ABCC4: variants seen among roughly 807,000 people sequenced by gnomAD.
The protein encoded by ABCC4 is ATP binding cassette subfamily C member 4 (PEL blood group).
In ABCC4, 102 loss-of-function variants were observed where a neutral mutation model predicts 168.5. That is an observed-to-expected ratio of 0.61 (90% CI 0.52 to 0.71). The LOEUF is 0.71. ABCC4 is among the 30% of genes least tolerant of loss of function. The pLI is 0.00. For missense variants in ABCC4, 1,402 were observed against 1,605.8 expected (o/e 0.87, Z 2.17); for synonymous variants, 617 against 590.7 (o/e 1.04, Z -0.65).
At chr13:95,232,660 G>C (rs1276712811) in intron 4 of ABCC4, among the ~76,000 whole-genome samples, 1 of 147,276 alleles carries the variant, frequency 6.8e-6, no homozygotes, top group Non-Finnish European at 1.5e-5. Context: ...CTGGGCGACA[G>C]AGCAAGACTT....
chr13:95,075,261 G>C (rs755827849), intron 22 of ABCC4, 171 bp downstream of exon 22: 165 of 801,724 alleles, frequency 2.1e-4, no homozygotes, highest in Non-Finnish European at 2.9e-4. Context: ...ATTCCGAGAG[G>C]AGTCCAAGCC....
chr13:95,279,010 C>T (rs1033087447), intron 1 of ABCC4, among the ~76,000 whole-genome samples: 6 of 151,364 alleles, frequency 4.0e-5, no homozygotes, highest in South Asian at 2.1e-4. Context: ...CACAAAAAAA[C>T]GTGATCTAAT....
intron 11 of ABCC4, among the ~76,000 whole-genome samples, chr13:95,181,116 C>G (rs968839911): frequency 2.0e-5 from 3 of 152,320 alleles, no homozygotes; most frequent in East Asian, 1.9e-4. Context: ...TAAAATTAAC[C>G]AATTATTTAA....
chr13:95,228,667 G>C (rs925159525), intron 4 of ABCC4, among the ~76,000 whole-genome samples: 3 of 152,010 alleles, frequency 2.0e-5, no homozygotes, highest in Non-Finnish European at 4.4e-5. Flanking sequence ...GGGAAGCTGA[G>C]GCATGGGAAT....
chr13:95,279,855 C>A (rs1363518434), intron 1 of ABCC4, among the ~76,000 whole-genome samples: 1 of 152,138 alleles, frequency 6.6e-6, no homozygotes, highest in Non-Finnish European at 1.5e-5. Flanking sequence ...CCCCCAGGAA[C>A]AACAGAGCTG....
intron 30 of ABCC4, among the ~76,000 whole-genome samples, chr13:95,031,455 G>C (rs1305749446): frequency 1.3e-5 from 2 of 152,186 alleles, no homozygotes; most frequent in Admixed American, 1.3e-4. Context: ...CCACGGACCA[G>C]CTCTGTGTCC....
At chr13:95,139,298 T>C (rs571415545) in intron 19 of ABCC4, among the ~76,000 whole-genome samples, 3 of 152,314 alleles carry the variant, frequency 2.0e-5, no homozygotes, top group Admixed American at 6.5e-5. Flanking sequence ...CTGGGCAGGA[T>C]TGGCCGCCCA....
chr13:95,127,249 G>A (rs1201073191), intron 19 of ABCC4, among the ~76,000 whole-genome samples: 2 of 151,888 alleles, frequency 1.3e-5, no homozygotes, highest in African/African-American at 4.8e-5. Context: ...TCGTCTTTTC[G>A]AGATATTTAT....
chr13:95,219,135 C>A, intron 4 of ABCC4, among the ~76,000 whole-genome samples: 1 of 151,998 alleles, frequency 6.6e-6, no homozygotes, highest in South Asian at 2.1e-4. Context: ...CTACCAATAC[C>A]CATGGAAAGA....
chr13:95,164,588 C>G, intron 15 of ABCC4, 70 bp from the exon 16 acceptor site: 2 of 1,544,986 alleles, frequency 1.3e-6, no homozygotes, highest in Non-Finnish European at 1.8e-6. Context: ...ACAATGCACT[C>G]TGTTGACAAA....
At chr13:95,116,690 C>T (rs1465665281) in intron 19 of ABCC4, among the ~76,000 whole-genome samples, 2 of 152,088 alleles carry the variant, frequency 1.3e-5, no homozygotes, top group South Asian at 2.1e-4. Flanking sequence ...CTTTATTTCC[C>T]GTCAAGTAGA....
At chr13:95,266,903 A>C (rs973221673) in intron 1 of ABCC4, among the ~76,000 whole-genome samples, 1 of 104,704 alleles carries the variant, frequency 9.6e-6, no homozygotes, top group Non-Finnish European at 1.9e-5. Context: ...TTTGAGACGG[A>C]GTTTCGCCCA....
chr13:95,193,901 G>T (rs1044718804), intron 9 of ABCC4, among the ~76,000 whole-genome samples: 12 of 152,240 alleles, frequency 7.9e-5, no homozygotes, highest in Non-Finnish European at 1.3e-4. Context: ...ATCGGACCAT[G>T]CCTCATTACC....
intron 25 of ABCC4, among the ~76,000 whole-genome samples, chr13:95,068,293 G>A (rs1050147506): frequency 6.6e-6 from 1 of 152,178 alleles, no homozygotes. Context: ...CACAAATGAA[G>A]CTAAAGGTGA....
intron 26 of ABCC4, among the ~76,000 whole-genome samples, chr13:95,057,385 G>A (rs1444462225): frequency 6.6e-6 from 1 of 152,092 alleles, no homozygotes; most frequent in Non-Finnish European, 1.5e-5. Flanking sequence ...GACTACAGAT[G>A]CGCACCACCA....
intron 1 of ABCC4, among the ~76,000 whole-genome samples, chr13:95,288,697 TC>T (rs1463708118): frequency 2.6e-5 from 4 of 151,826 alleles, no homozygotes; most frequent in Non-Finnish European, 5.9e-5. Context: ...TTCCAGCTAC[TC>T]GGGAGGCTGA....
intron 8 of ABCC4, among the ~76,000 whole-genome samples, chr13:95,204,266 C>T (rs2038717854): frequency 6.6e-6 from 1 of 152,272 alleles, no homozygotes; most frequent in African/African-American, 2.4e-5. Flanking sequence ...TGGAATACAA[C>T]TAGATGAGTA....
chr13:95,027,798 A>C (rs2031622596), intron 30 of ABCC4, among the ~76,000 whole-genome samples: 1 of 152,226 alleles, frequency 6.6e-6, no homozygotes, highest in Admixed American at 6.5e-5. Context: ...GGAATACTAA[A>C]AACTGAAAGC....
intron 25 of ABCC4, 137 bp downstream of exon 25, chr13:95,071,525 C>G (rs892844890): frequency 2.8e-6 from 2 of 703,122 alleles, no homozygotes; most frequent in Admixed American, 7.8e-5. Context: ...TGTTGGTATC[C>G]ACATTCCATG....
Sources: allele counts gnomAD v4.1 joint callset (sites outside exome capture counted in the v4.1 genomes callset), GRCh38; gene constraint gnomAD v4.1.1; transcripts MANE v1.5; gene names NCBI Gene and HGNC (gene_info 2026-07-23, HGNC 2026-07-21).